Variants in MAP2K4 observed in about 807,000 individuals in gnomAD.
MAP2K4 encodes the protein dual specificity mitogen-activated protein kinase kinase 4.
In MAP2K4, 4 loss-of-function variants were observed where a neutral mutation model predicts 48.5. That is an observed-to-expected ratio of 0.08 (90% CI 0.04 to 0.19). The LOEUF (loss-of-function observed/expected upper bound fraction) is 0.19, where lower values mean the gene tolerates loss of function less well. Ranked by LOEUF, MAP2K4 falls within the 10% of genes least tolerant of loss-of-function variation. The pLI is 1.00. For synonymous variants in MAP2K4, 166 were observed against 173.1 expected, an observed-to-expected ratio of 0.96 and a Z score of 0.32; for missense variants, 258 against 493.3, an observed-to-expected ratio of 0.52 and a Z score of 4.52.
At chr17:12,078,701 A>T (rs1054100440) in intron 2 of MAP2K4, among the ~76,000 whole-genome samples, 3 of 152,078 alleles carry the variant, frequency 2.0e-5, no homozygotes, top group African/African-American at 7.2e-5. Flanking sequence ...CAATCTTCTC[A>T]TTGGGTGTGT....
intron 1 of MAP2K4, among the ~76,000 whole-genome samples, chr17:12,036,834 C>T (rs372484211): frequency 6.6e-6 from 1 of 151,958 alleles, no homozygotes; most frequent in African/African-American, 2.4e-5. Flanking sequence ...TTGGCAAATA[C>T]TCTTCTGATA....
At chr17:12,073,418 A>G (rs999436256) in intron 2 of MAP2K4, among the ~76,000 whole-genome samples, 6 of 152,196 alleles carry the variant, frequency 3.9e-5, no homozygotes, top group Non-Finnish European at 8.8e-5. Context: ...TCAGTCCAGA[A>G]TACAGTATTA....
intron 1 of MAP2K4, among the ~76,000 whole-genome samples, chr17:12,036,950 C>G (rs1266050251): frequency 1.3e-5 from 2 of 151,960 alleles, no homozygotes; most frequent in Non-Finnish European, 2.9e-5. Context: ...CCGAAGAGTT[C>G]TGGAGCTCTA....
chr17:12,030,277 C>G (rs900745480), intron 1 of MAP2K4, among the ~76,000 whole-genome samples: 11 of 152,140 alleles, frequency 7.2e-5, no homozygotes, highest in African/African-American at 2.4e-4. Context: ...CCAGTGTGTT[C>G]CAGTTAATTT....
intron 7 of MAP2K4, among the ~76,000 whole-genome samples, chr17:12,121,711 TATA>T (rs1432516921): frequency 6.6e-6 from 1 of 152,234 alleles, no homozygotes; most frequent in Non-Finnish European, 1.5e-5. Context: ...CTCGCATTCT[TATA>T]ATATCTGATT....
At chr17:12,085,376 T>C (rs1211130014) in intron 3 of MAP2K4, among the ~76,000 whole-genome samples, 4 of 151,874 alleles carry the variant, frequency 2.6e-5, no homozygotes, top group Non-Finnish European at 5.9e-5. Context: ...AATTTGTCAT[T>C]GTGGATCATT....
intron 3 of MAP2K4, among the ~76,000 whole-genome samples, chr17:12,088,438 C>A (rs374648017): frequency 1.2e-3 from 15 of 12,966 alleles, no homozygotes; most frequent in Admixed American, 6.9e-3. Flanking sequence ...TAATATATTA[C>A]ATATAATATA....
At chr17:12,047,888 T>C (rs2151520956) in intron 1 of MAP2K4, among the ~76,000 whole-genome samples, 1 of 152,328 alleles carries the variant, frequency 6.6e-6, no homozygotes, top group Middle Eastern at 3.4e-3. Context: ...CACAGATGTG[T>C]AGTGTACTAG....
At chr17:12,044,905 C>T (rs1476783072) in intron 1 of MAP2K4, among the ~76,000 whole-genome samples, 1 of 152,204 alleles carries the variant, frequency 6.6e-6, no homozygotes, top group Non-Finnish European at 1.5e-5. Flanking sequence ...CTAGGTGCTG[C>T]CAGTCATCAG....
At chr17:12,122,004 G>A (rs1023353153) in intron 7 of MAP2K4, among the ~76,000 whole-genome samples, 1 of 152,130 alleles carries the variant, frequency 6.6e-6, no homozygotes, top group Non-Finnish European at 1.5e-5. Context: ...GGAGTTCATG[G>A]TTTTTCGATA....
chr17:12,114,188 GAT>G (rs1481412635), intron 7 of MAP2K4, among the ~76,000 whole-genome samples: 1 of 152,092 alleles, frequency 6.6e-6, no homozygotes, highest in African/African-American at 2.4e-5. Flanking sequence ...TTTCCTCCTT[GAT>G]ATATATGTTT....
chr17:12,048,599 A>G (rs1438876414), intron 1 of MAP2K4, among the ~76,000 whole-genome samples: 2 of 152,098 alleles, frequency 1.3e-5, no homozygotes. Flanking sequence ...TAATACATGG[A>G]TATATGGAAT....
At chr17:12,048,326 C>T (rs1052394529) in intron 1 of MAP2K4, among the ~76,000 whole-genome samples, 4 of 152,112 alleles carry the variant, frequency 2.6e-5, no homozygotes, top group Non-Finnish European at 4.4e-5. Context: ...TTATATTGGG[C>T]TTTCTAAAAA....
intron 2 of MAP2K4, among the ~76,000 whole-genome samples, chr17:12,060,803 C>T (rs1970427935): frequency 6.6e-6 from 1 of 151,768 alleles, no homozygotes; most frequent in Non-Finnish European, 1.5e-5. Flanking sequence ...TTTTTTCTTA[C>T]TGTAGTAAAT....
intron 2 of MAP2K4, among the ~76,000 whole-genome samples, chr17:12,060,020 T>C (rs542737991): frequency 6.7e-4 from 102 of 151,912 alleles, no homozygotes; most frequent in African/African-American, 2.3e-3. Context: ...TCTACAAAAA[T>C]AGAAAAAATT....
At chr17:12,131,073 ATATC>A (rs1233697592) in intron 9 of MAP2K4, among the ~76,000 whole-genome samples, 2 of 152,150 alleles carry the variant, frequency 1.3e-5, no homozygotes, top group Non-Finnish European at 2.9e-5. Context: ...GATATGCACT[ATATC>A]TATCATATTT....
At chr17:12,033,877 A>G (rs1401841090) in intron 1 of MAP2K4, among the ~76,000 whole-genome samples, 1 of 152,140 alleles carries the variant, frequency 6.6e-6, no homozygotes, top group East Asian at 1.9e-4. Context: ...CCAGCCTCCA[A>G]TTCCTGGGTT....
rs1289939331 is a variant in MAP2K4 at position 12,020,947 on chromosome 17, C to G, written c.61C>G (p.Pro21Ala). Residue 21 changes from proline to alanine, a missense_variant, in exon 1 of 11, where the codon CCC (proline) becomes GCC (alanine). By Grantham distance (27) the Pro-to-Ala change is conservative. Around this residue, in one of 3 missense-constraint regions of MAP2K4, gnomAD observed 69 missense variants for 56.2 expected, o/e 1.23. Transcript: ENST00000353533. ...CGGGGGCGGCAGCGGCAGCGGCACC[C>G]CCGGCCCCGTAGGGTCCCCGGCGCC... is the stretch of plus-strand genomic sequence containing the variant. The part of the protein sequence containing the change: ...GSGGGSGSGT[P>A]GPVGSPAPGH... 3 of 1,217,492 alleles carry G rather than the reference C, an allele frequency of 2.5e-6. No individual in the cohort carries two copies. Among genetic ancestry groups the G allele is most frequent in the African/African-American group, 3.1e-5 (2 of 63,674 alleles). 75.4% of individuals were successfully genotyped at this position (1,217,492 alleles called of 1,614,324 possible). A position where few individuals can be genotyped will look rare whatever the true frequency, so the allele number is the denominator to read the frequency against.
intron 1 of MAP2K4, among the ~76,000 whole-genome samples, chr17:12,037,054 G>T (rs1210281504): frequency 6.6e-6 from 1 of 152,044 alleles, no homozygotes; most frequent in African/African-American, 2.4e-5. Flanking sequence ...ATTTAACTTG[G>T]AAGTGTTTAC....
Sources: gnomAD v4.1 joint callset for allele counts (sites outside exome capture counted in the v4.1 genomes callset) on GRCh38, gnomAD v4.1.1 for gene constraint, gnomAD v4.1.1 regional missense constraint, MANE v1.5 for transcripts, NCBI Gene and HGNC (gene_info 2026-07-23, HGNC 2026-07-21) for gene names.